Variants in LRRC7 observed in about 807,000 individuals in gnomAD.
LRRC7 encodes leucine-rich repeat-containing protein 7.
In LRRC7, 23 loss-of-function variants were observed where a neutral mutation model predicts 175.7. That is an observed-to-expected ratio of 0.13 (90% CI 0.09 to 0.19). The LOEUF (loss-of-function observed/expected upper bound fraction) is 0.19. Among genes scored for constraint, LRRC7 ranks in the 10% least tolerant of loss-of-function variants. The probability of loss-of-function intolerance (pLI) is 1.00; values close to 1 mark genes in which losing one functional copy is unlikely to be tolerated. For synonymous variants in LRRC7, 685 were observed against 680.9 expected, an observed-to-expected ratio of 1.01 and a Z score of -0.09; for missense variants, 1,354 against 1,904.7, an observed-to-expected ratio of 0.71 and a Z score of 5.38.
chr1:69,861,955 A>G (rs1182906480), intron 7 of LRRC7, among the ~76,000 whole-genome samples: 1 of 152,176 alleles, frequency 6.6e-6, no homozygotes, highest in African/African-American at 2.4e-5. Context: ...AAAACAGGGT[A>G]AGTTTATCAG....
chr1:69,914,826 T>C (rs1466795339), intron 7 of LRRC7, among the ~76,000 whole-genome samples: 1 of 152,176 alleles, frequency 6.6e-6, no homozygotes, highest in South Asian at 2.1e-4. Context: ...AATATAACAA[T>C]GGTAGAATTG....
At chr1:69,961,181 A>G (rs1215387127) in intron 8 of LRRC7, among the ~76,000 whole-genome samples, 2 of 152,312 alleles carry the variant, frequency 1.3e-5, no homozygotes, top group Non-Finnish European at 1.5e-5. Context: ...TCCTCTATAC[A>G]CTAGCAATAG....
chr1:69,756,656 C>T (rs1427692855), intron 2 of LRRC7, among the ~76,000 whole-genome samples: 12 of 151,694 alleles, frequency 7.9e-5, no homozygotes, highest in Non-Finnish European at 1.5e-5. Context: ...TCAAAAAATA[C>T]ACCTTTTTTG....
intron 7 of LRRC7, among the ~76,000 whole-genome samples, chr1:69,876,931 TAC>T (rs1686094763): frequency 6.6e-6 from 1 of 151,988 alleles, no homozygotes; most frequent in South Asian, 2.1e-4. Context: ...CCAGAAAGAG[TAC>T]AGAGAAGTTA....
chr1:69,831,912 G>A (rs1462957342), intron 5 of LRRC7, among the ~76,000 whole-genome samples: 1 of 152,066 alleles, frequency 6.6e-6, no homozygotes, highest in Non-Finnish European at 1.5e-5. Context: ...ATGTTGTAGA[G>A]AAGATAAAAA....
intron 5 of LRRC7, among the ~76,000 whole-genome samples, chr1:69,832,625 A>G (rs1680654189): frequency 6.6e-6 from 1 of 152,212 alleles, no homozygotes; most frequent in Non-Finnish European, 1.5e-5. Flanking sequence ...GTTAGGAAGG[A>G]CATGGAAAAA....
chr1:69,767,593 A>G (rs1671763447), intron 3 of LRRC7, among the ~76,000 whole-genome samples: 1 of 152,076 alleles, frequency 6.6e-6, no homozygotes, highest in South Asian at 2.1e-4. Flanking sequence ...AGTATCTGGA[A>G]CTACAGGTGT....
intron 11 of LRRC7, among the ~76,000 whole-genome samples, chr1:70,010,247 A>G (rs1355365459): frequency 6.6e-6 from 1 of 152,194 alleles, no homozygotes; most frequent in Non-Finnish European, 1.5e-5. Context: ...AGCAAATTGC[A>G]TTCAAGCTAA....
At chr1:69,764,570 C>A (rs1003072462) in intron 3 of LRRC7, among the ~76,000 whole-genome samples, 1 of 151,922 alleles carries the variant, frequency 6.6e-6, no homozygotes, top group Non-Finnish European at 1.5e-5. Flanking sequence ...AGAACCAAAG[C>A]TTTTGACCCA....
At chr1:69,802,443 A>G (rs979881809) in intron 4 of LRRC7, among the ~76,000 whole-genome samples, 1 of 151,238 alleles carries the variant, frequency 6.6e-6, no homozygotes, top group Admixed American at 6.6e-5. Flanking sequence ...CTTCTTCTAT[A>G]ATTGATTCCT....
At chr1:69,700,641 C>G (rs1276615564) in intron 2 of LRRC7, among the ~76,000 whole-genome samples, 1 of 152,148 alleles carries the variant, frequency 6.6e-6, no homozygotes, top group East Asian at 1.9e-4. Context: ...AGCTTAGAAA[C>G]ACACCCAGCT....
chr1:69,648,901 G>C (rs10489552), intron 1 of LRRC7, among the ~76,000 whole-genome samples: 51,541 of 151,904 alleles, frequency 0.34, 9,059 homozygotes, highest in East Asian at 0.56. Context: ...TATATTTAAA[G>C]GTATCACTAT....
Position 70,127,907 on chromosome 1 carries a change from C to A in LRRC7, c.*6020C>A, listed in dbSNP as rs1412932894. On this transcript the variant is annotated 3_prime_UTR_variant, in exon 27 of 27. Transcript: ENST00000651989. Reference sequence around the variant, plus strand: ...CCACAGGTGAGATTTTGAAACCTGGCATAATTTTCTCTTCTCCTTTTTTGA... The same window carrying A: ...CCACAGGTGAGATTTTGAAACCTGGAATAATTTTCTCTTCTCCTTTTTTGA... 6.6e-6 allele frequency among the ~76,000 whole-genome samples: 1 copy of A among 152,150 alleles called. No homozygotes were observed. Among genetic ancestry groups the A allele is most frequent in the East Asian group, 1.9e-4 (1 of 5,194 alleles).
rs1183857100 is a variant in LRRC7, at chr1:69,956,298, A to G, written c.712-24081A>G. Among the ~76,000 whole-genome samples, 16 of 151,866 alleles carry G rather than the reference A, an allele frequency of 1.1e-4. 1 individual carries two copies. On this transcript the variant is annotated intron_variant, in intron 8 of 26. Transcript: ENST00000651989. The stretch of plus-strand genomic sequence containing the variant: ...CTATATCAACATTTTGTCTGAGATA[A>G]TATTATAGTAATATTGAGTTTCCCT...
intron 7 of LRRC7, among the ~76,000 whole-genome samples, chr1:69,867,479 G>T (rs775791943): frequency 6.6e-6 from 1 of 152,130 alleles, no homozygotes; most frequent in Non-Finnish European, 1.5e-5. Context: ...AGAACATTAA[G>T]CTAGGAGTGA....
intron 3 of LRRC7, among the ~76,000 whole-genome samples, chr1:69,770,265 C>T (rs2100981881): frequency 6.6e-6 from 1 of 152,270 alleles, no homozygotes; most frequent in Non-Finnish European, 1.5e-5. Context: ...CTCTAATATT[C>T]TACATATTAT....
chr1:70,071,809 T>C (rs1320346558), intron 23 of LRRC7, among the ~76,000 whole-genome samples: 1 of 152,214 alleles, frequency 6.6e-6, no homozygotes, highest in Non-Finnish European at 1.5e-5. Flanking sequence ...ATAAAACAGA[T>C]GACCAAATTG....
In LRRC7 at chr1:70,003,014, A is replaced by G. The variant is rs1275534955; in HGVS notation, c.1004+8381A>G. Among the ~76,000 whole-genome samples the G allele has an allele frequency of 2.0e-5, 3 of 152,180 alleles. No individual in the cohort carries two copies. In the East Asian group the frequency reaches 5.8e-4, roughly 29 times the overall value. ...TATCATGGATGGGGTGGCATAAACA[A>G]TAGATGTTTACTTCTCACAGTTGTG... is the stretch of plus-strand genomic sequence containing the variant. On this transcript the variant is annotated intron_variant, in intron 11 of 26. Coordinates refer to ENST00000651989, the MANE Select transcript of LRRC7 (RefSeq NM_001370785.2).
intron 2 of LRRC7, among the ~76,000 whole-genome samples, chr1:69,753,576 G>A (rs773351191): frequency 1.1e-4 from 16 of 151,810 alleles, no homozygotes; most frequent in South Asian, 2.1e-4. Flanking sequence ...GAAAAAGCAC[G>A]GTGACAGATT....
Sources: gnomAD v4.1 joint callset for allele counts (sites outside exome capture counted in the v4.1 genomes callset) on GRCh38, gnomAD v4.1.1 for gene constraint, MANE v1.5 for transcripts, NCBI Gene and HGNC (gene_info 2026-07-23, HGNC 2026-07-21) for gene names.